Variants in TMEM123 observed in about 807,000 individuals in gnomAD.
The protein encoded by TMEM123 is porimin.
In TMEM123, 16 loss-of-function variants were observed where a neutral mutation model predicts 19.7. That is an observed-to-expected ratio of 0.81 (90% CI 0.55 to 1.23). The LOEUF is 1.23. Among genes scored for constraint, TMEM123 ranks in the 50% most tolerant of loss-of-function variants. The pLI, the probability that TMEM123 is intolerant of heterozygous loss-of-function variation, is 0.00. For missense variants in TMEM123, 313 were observed against 257.8 expected (o/e 1.21, Z -1.47); for synonymous variants, 118 against 99.4 (o/e 1.19, Z -1.12).
At chr11:102,449,549 C>G (rs200967838) in intron 1 of TMEM123, 1 of 44,832 alleles carries the variant, frequency 2.2e-5, no homozygotes. Context: ...CTCTCCCCCA[C>G]TTAAAAAAAA....
chr11:102,412,824 C>A (rs1952015858), intron 2 of TMEM123, among the ~76,000 whole-genome samples: 1 of 152,102 alleles, frequency 6.6e-6, no homozygotes. Context: ...AGCAAAAGAA[C>A]AGACCCCAAG....
intron 4 of TMEM123, among the ~76,000 whole-genome samples, chr11:102,399,487 G>C: frequency 6.6e-6 from 1 of 152,058 alleles, no homozygotes; most frequent in South Asian, 2.1e-4. Context: ...TTCATGTATT[G>C]ACCTTAAAAA....
At chr11:102,403,315 T>G (rs1160820185) in intron 2 of TMEM123, among the ~76,000 whole-genome samples, 1 of 152,214 alleles carries the variant, frequency 6.6e-6, no homozygotes, top group Admixed American at 6.5e-5. Flanking sequence ...CGGCCAATAC[T>G]CCTTAAAATA....
rs532077548 is a variant in TMEM123, at chr11:102,402,354, C to T, written c.158-148G>A. 2.0e-5 allele frequency: 15 copies of T among 736,258 alleles called. No homozygotes were observed. In the East Asian group the frequency reaches 3.5e-4, roughly 17 times the overall value. 45.6% of individuals were successfully genotyped at this position (736,258 alleles called of 1,614,324 possible). ...ATACTTAGCCCATTAATACTTTGCA[C>T]TATACTGCAATAAAATGTCTCAAAC... On this transcript the variant is annotated intron_variant, in intron 2 of 4. Transcript: ENST00000398136.
At chr11:102,403,401 A>C (rs1362910034) in intron 2 of TMEM123, among the ~76,000 whole-genome samples, 1 of 152,238 alleles carries the variant, frequency 6.6e-6, no homozygotes, top group African/African-American at 2.4e-5. Context: ...AACCAGAAGC[A>C]AACCTTTCTG....
At chr11:102,427,050 G>A (rs1952134476) in intron 2 of TMEM123, among the ~76,000 whole-genome samples, 1 of 150,666 alleles carries the variant, frequency 6.6e-6, no homozygotes, top group African/African-American at 2.4e-5. Flanking sequence ...TAAGTTGCAG[G>A]GTTTTTTGTT....
intron 2 of TMEM123, among the ~76,000 whole-genome samples, chr11:102,418,077 AAAAT>A (rs1952055899): frequency 1.3e-5 from 2 of 151,562 alleles, no homozygotes; most frequent in South Asian, 2.1e-4. Context: ...GCAGAAAAAA[AAAAT>A]AAAACCCTAG....
chr11:102,420,146 T>A (rs1952074535), intron 2 of TMEM123, among the ~76,000 whole-genome samples: 1 of 152,214 alleles, frequency 6.6e-6, no homozygotes, highest in Non-Finnish European at 1.5e-5. Flanking sequence ...TTCCCCATCC[T>A]CATCCAGCCT....
intron 2 of TMEM123, among the ~76,000 whole-genome samples, chr11:102,406,553 A>G (rs767033115): frequency 7.2e-5 from 11 of 152,148 alleles, no homozygotes; most frequent in Non-Finnish European, 1.3e-4. Context: ...TCCATGGAAG[A>G]TAACTGACAT....
intron 2 of TMEM123, among the ~76,000 whole-genome samples, chr11:102,442,013 T>A (rs1053650621): frequency 6.6e-6 from 1 of 152,178 alleles, no homozygotes; most frequent in African/African-American, 2.4e-5. Context: ...AGAAGTTGAA[T>A]CCCTCACTAG....
chr11:102,436,855 T>C (rs769516307), intron 2 of TMEM123, among the ~76,000 whole-genome samples: 24 of 152,342 alleles, frequency 1.6e-4, no homozygotes, highest in African/African-American at 1.7e-4. Flanking sequence ...TAAATGCCAA[T>C]TGAATTCATT....
chr11:102,432,755 G>A (rs540380838), intron 2 of TMEM123, among the ~76,000 whole-genome samples: 44 of 152,344 alleles, frequency 2.9e-4, no homozygotes, highest in African/African-American at 1.1e-3. Flanking sequence ...AGGGAAAAAT[G>A]GTTTCCTGGG....
rs561453735 is a variant in TMEM123 at position 102,423,067 on chromosome 11, A to G, written c.158-20861T>C. The stretch of plus-strand genomic sequence containing the variant: ...GCTAAATCCTAGCTCAAGCTGCTAA[A>G]GGTGTGTATTTATGTTCACTGCAGC... On this transcript the variant is annotated intron_variant, in intron 2 of 4. Transcript: ENST00000398136. Among the ~76,000 whole-genome samples, 22 of 152,346 alleles carry G rather than the reference A, an allele frequency of 1.4e-4. No homozygotes were observed. The South Asian group carries it at 4.4e-3, about 30-fold the overall frequency.
intron 2 of TMEM123, among the ~76,000 whole-genome samples, chr11:102,431,939 G>A (rs539753862): frequency 4.6e-5 from 7 of 152,294 alleles, no homozygotes; most frequent in Non-Finnish European, 1.0e-4. Context: ...CTGCCACCCT[G>A]TGAAGAGGCG....
chr11:102,424,418 G>A (rs1952109392), intron 2 of TMEM123, among the ~76,000 whole-genome samples: 2 of 152,302 alleles, frequency 1.3e-5, no homozygotes, highest in East Asian at 1.9e-4. Flanking sequence ...AGGCACAGTG[G>A]CTCACGCCTA....
chr11:102,414,015 A>C (rs1952025458), intron 2 of TMEM123, among the ~76,000 whole-genome samples: 1 of 152,200 alleles, frequency 6.6e-6, no homozygotes, highest in Non-Finnish European at 1.5e-5. Flanking sequence ...TTAAGAAAGA[A>C]CCTAACTGAT....
At chr11:102,421,666 G>T (rs979921760) in intron 2 of TMEM123, among the ~76,000 whole-genome samples, 4 of 152,070 alleles carry the variant, frequency 2.6e-5, no homozygotes, top group Non-Finnish European at 5.9e-5. Flanking sequence ...ATGTTTTCTT[G>T]CAAGACAAAG....
At chr11:102,452,501 T>C in intron 1 of TMEM123, 23 bp downstream of exon 1, 1 of 1,496,690 alleles carries the variant, frequency 6.7e-7, no homozygotes, top group African/African-American at 1.4e-5. Flanking sequence ...CGAACGGGGC[T>C]GACGACCCCC....
chr11:102,436,083 G>T (rs1195662880), intron 2 of TMEM123, among the ~76,000 whole-genome samples: 1 of 151,546 alleles, frequency 6.6e-6, no homozygotes, highest in East Asian at 1.9e-4. Flanking sequence ...AAAAAAAAAT[G>T]CATGAAGTTT....
Sources: gnomAD v4.1 joint callset for allele counts (sites outside exome capture counted in the v4.1 genomes callset) on GRCh38, gnomAD v4.1.1 for gene constraint, MANE v1.5 for transcripts, NCBI Gene and HGNC (gene_info 2026-07-23, HGNC 2026-07-21) for gene names.